Variants in DCDC1 observed in about 807,000 individuals in gnomAD.
DCDC1 encodes the protein doublecortin domain-containing protein 1.
In DCDC1, 200 loss-of-function variants were observed where a neutral mutation model predicts 178.3. The ratio of observed to expected loss-of-function variants is 1.12; its 90% CI spans 1.00 to 1.26. DCDC1 has a LOEUF of 1.26. Ranked by LOEUF, DCDC1 falls within the 50% of genes most tolerant of loss-of-function variation. The probability of loss-of-function intolerance (pLI) is 0.00; values close to 1 mark genes in which losing one functional copy is unlikely to be tolerated. For missense variants in DCDC1, 1,983 were observed against 1,749.2 expected, an observed-to-expected ratio of 1.13 and a Z score of -2.38; for synonymous variants, 690 against 604.8, an observed-to-expected ratio of 1.14 and a Z score of -2.07.
intron 20 of DCDC1, among the ~76,000 whole-genome samples, chr11:31,016,319 T>C (rs1952484226): frequency 6.6e-6 from 1 of 152,214 alleles, no homozygotes; most frequent in South Asian, 2.1e-4. Flanking sequence ...TCAGATAACA[T>C]GATTCCATTA....
intron 7 of DCDC1, among the ~76,000 whole-genome samples, chr11:31,267,687 C>A (rs1945263082): frequency 6.6e-6 from 1 of 152,140 alleles, no homozygotes; most frequent in Non-Finnish European, 1.5e-5. Context: ...CACAAGTTCA[C>A]CTAGGACCCC....
chr11:31,342,891 C>A (rs1315828056), intron 1 of DCDC1, among the ~76,000 whole-genome samples: 1 of 152,096 alleles, frequency 6.6e-6, no homozygotes, highest in Non-Finnish European at 1.5e-5. Context: ...TACTTATGCA[C>A]AATTATAATC....
intron 9 of DCDC1, among the ~76,000 whole-genome samples, chr11:31,230,759 A>G (rs1404155668): frequency 6.6e-6 from 1 of 152,350 alleles, no homozygotes; most frequent in East Asian, 1.9e-4. Flanking sequence ...ATTTTTTATC[A>G]TTAGCTTAAA....
At chr11:30,947,181 A>C (rs990008493) in intron 21 of DCDC1, among the ~76,000 whole-genome samples, 38 of 152,226 alleles carry the variant, frequency 2.5e-4, no homozygotes, top group African/African-American at 8.7e-4. Flanking sequence ...AGATGCAAAA[A>C]TGCATCATAA....
At chr11:31,058,545 C>T (rs1318867299) in intron 20 of DCDC1, among the ~76,000 whole-genome samples, 5 of 151,800 alleles carry the variant, frequency 3.3e-5, no homozygotes, top group Non-Finnish European at 5.9e-5. Context: ...TCAGAAAAGG[C>T]CATGAAGCCA....
At chr11:31,083,861 A>T (rs906522724) in intron 17 of DCDC1, among the ~76,000 whole-genome samples, 1 of 152,230 alleles carries the variant, frequency 6.6e-6, no homozygotes, top group African/African-American at 2.4e-5. Context: ...TAAAGTCCAG[A>T]TACCCTGCAT....
chr11:31,214,630 G>A (rs974351738), intron 9 of DCDC1, among the ~76,000 whole-genome samples: 1 of 152,046 alleles, frequency 6.6e-6, no homozygotes, highest in African/African-American at 2.4e-5. Flanking sequence ...AAAATAATAG[G>A]AAGTGACAGG....
At chr11:30,945,033 A>G (rs1168546224) in intron 21 of DCDC1, among the ~76,000 whole-genome samples, 3 of 136,206 alleles carry the variant, frequency 2.2e-5, no homozygotes, top group Non-Finnish European at 4.5e-5. Context: ...CAGTGGCACA[A>G]TCTCAGCTCA....
At chr11:31,041,210 G>A (rs968346633) in intron 20 of DCDC1, among the ~76,000 whole-genome samples, 1 of 152,132 alleles carries the variant, frequency 6.6e-6, no homozygotes, top group Non-Finnish European at 1.5e-5. Context: ...ACTTTTAAAT[G>A]CTTGTATTCT....
intron 7 of DCDC1, among the ~76,000 whole-genome samples, chr11:31,275,747 G>A (rs796289790): frequency 1.8e-4 from 27 of 152,150 alleles, no homozygotes; most frequent in African/African-American, 4.8e-4. Flanking sequence ...CAGGTGTTCC[G>A]CCTTCCTTGG....
chr11:31,136,169 A>G (rs939817136), intron 10 of DCDC1, among the ~76,000 whole-genome samples: 16 of 152,078 alleles, frequency 1.1e-4, no homozygotes, highest in African/African-American at 2.9e-4. Flanking sequence ...CTTTTAGCTT[A>G]CTGTGAAAAT....
At chr11:31,115,715 T>C (rs1298159331) in intron 11 of DCDC1, among the ~76,000 whole-genome samples, 1 of 151,902 alleles carries the variant, frequency 6.6e-6, no homozygotes, top group Non-Finnish European at 1.5e-5. Context: ...TGCAGGAAGT[T>C]TACTGGGAAC....
intron 9 of DCDC1, among the ~76,000 whole-genome samples, chr11:31,224,604 T>C (rs986295893): frequency 2.0e-5 from 3 of 151,960 alleles, no homozygotes; most frequent in Non-Finnish European, 4.4e-5. Flanking sequence ...TTGCAAACTA[T>C]GCAGCAGACA....
intron 9 of DCDC1, among the ~76,000 whole-genome samples, chr11:31,212,107 C>T (rs1359544339): frequency 6.7e-6 from 1 of 149,564 alleles, no homozygotes; most frequent in Non-Finnish European, 1.5e-5. Flanking sequence ...AACAGCTAAG[C>T]ATAGTTAAGT....
chr11:31,365,629 A>C (rs935410688), intron 1 of DCDC1, among the ~76,000 whole-genome samples: 12 of 152,162 alleles, frequency 7.9e-5, no homozygotes, highest in African/African-American at 2.4e-4. Context: ...ACGTTAGTTT[A>C]CGGGCAGGCG....
intron 2 of DCDC1, among the ~76,000 whole-genome samples, chr11:31,332,893 A>G (rs1950074390): frequency 6.6e-6 from 1 of 152,178 alleles, no homozygotes; most frequent in African/African-American, 2.4e-5. Flanking sequence ...GATGTCTATT[A>G]GGTCTCCTTG....
At chr11:30,950,232 C>G (rs1948336370) in intron 21 of DCDC1, among the ~76,000 whole-genome samples, 1 of 151,854 alleles carries the variant, frequency 6.6e-6, no homozygotes, top group Non-Finnish European at 1.5e-5. Context: ...TCCCACCAAC[C>G]CTACACTGTT....
intron 3 of DCDC1, among the ~76,000 whole-genome samples, chr11:31,322,812 A>G (rs1949438175): frequency 6.6e-6 from 1 of 152,186 alleles, no homozygotes; most frequent in African/African-American, 2.4e-5. Flanking sequence ...ATGTGAAATA[A>G]TGAATGTTCC....
In DCDC1 at chr11:31,335,573, T is replaced by G. The variant is rs948057872; in HGVS notation, c.-124-9A>C. Reference sequence around the variant, plus strand: ...ATTTTCTTATTTGCAATCTGGAAAATAGAGTAACACACACAGACAATCTAA... The same window carrying G: ...ATTTTCTTATTTGCAATCTGGAAAAGAGAGTAACACACACAGACAATCTAA... On this transcript the variant is annotated splice_polypyrimidine_tract_variant and intron_variant, in intron 1 of 38. Coordinates refer to ENST00000684477, the MANE Select transcript of DCDC1 (RefSeq NM_001387274.1). The G allele has an allele frequency of 6.6e-6, 1 of 152,218 alleles. No homozygotes were observed. Among genetic ancestry groups the G allele is most frequent in the African/African-American group, 2.4e-5 (1 of 41,456 alleles). 9.4% of individuals were successfully genotyped at this position (152,218 alleles called of 1,614,324 possible).
Sources: gnomAD v4.1 joint callset for allele counts (sites outside exome capture counted in the v4.1 genomes callset) on GRCh38, gnomAD v4.1.1 for gene constraint, MANE v1.5 for transcripts, NCBI Gene and HGNC (gene_info 2026-07-23, HGNC 2026-07-21) for gene names.